LANCL3: variants seen among roughly 807,000 people sequenced by gnomAD.
LANCL3 encodes the protein LanC like family member 3, also known as lanC-like protein 3.
In LANCL3, 19 loss-of-function variants were observed where a neutral mutation model predicts 26.5. That is an observed-to-expected ratio of 0.72 (90% confidence interval 0.50 to 1.05). The LOEUF (loss-of-function observed/expected upper bound fraction) is 1.05, where lower values mean the gene tolerates loss of function less well. LANCL3 is among the 50% of genes least tolerant of loss of function. The pLI is 0.00. For missense variants in LANCL3, 318 were observed against 362.7 expected (o/e 0.88, Z 1.00); for synonymous variants, 160 against 166.6 (o/e 0.96, Z 0.30).
At chrX:37,574,389 C>T (rs1170713574) in intron 1 of LANCL3, among the ~76,000 whole-genome samples, 2 of 111,496 alleles carry the variant, frequency 1.8e-5, no homozygotes, top group East Asian at 2.8e-4. Context: ...TCTTCCCCTC[C>T]GATGTCATTT....
At chrX:37,665,288 T>C (rs1015296303) in intron 3 of LANCL3, among the ~76,000 whole-genome samples, 38 of 112,260 alleles carry the variant, frequency 3.4e-4, no homozygotes, top group African/African-American at 1.2e-3. Flanking sequence ...TCTTCCCCAC[T>C]GGTCTGTTGG....
intron 1 of LANCL3, among the ~76,000 whole-genome samples, chrX:37,633,760 A>G (rs1461511886): frequency 1.8e-5 from 2 of 111,628 alleles, no homozygotes; most frequent in Non-Finnish European, 3.8e-5. Flanking sequence ...CGTGAACCGC[A>G]AATGCTGCTG....
rs1265752127 is a variant in LANCL3, at chrX:37,682,816, C to T, written c.*7003C>T. 3 of 111,916 alleles carry T rather than the reference C, an allele frequency of 2.7e-5. No individual in the cohort carries two copies. The highest frequency in any genetic ancestry group is 9.7e-5 in the African/African-American group (3 of 30,790). The allele number at this position is 111,916 out of a possible 1,213,427, so 9.2% of individuals were successfully genotyped here. On this transcript the variant is annotated 3_prime_UTR_variant, in exon 5 of 5. Coordinates refer to ENST00000378619, the MANE Select transcript of LANCL3 (RefSeq NM_001170331.2). Reference sequence around the variant, plus strand: ...CATGAGTTGCACATAGACTCTCTAGCAGTAGAAATGGAATATTCTAAGTGC... The same window carrying T: ...CATGAGTTGCACATAGACTCTCTAGTAGTAGAAATGGAATATTCTAAGTGC...
At chrX:37,587,868 C>T (rs1556418307) in intron 1 of LANCL3, among the ~76,000 whole-genome samples, 2 of 112,249 alleles carry the variant, frequency 1.8e-5, no homozygotes, top group Non-Finnish European at 3.8e-5. Flanking sequence ...ATGCAGAAAT[C>T]ACCCATCTTC....
Position 37,676,079 on chromosome X carries a change from G to T in LANCL3, c.*266G>T, listed in dbSNP as rs1425005539. The T allele has an allele frequency of 4.7e-6, 1 of 214,491 alleles. No homozygotes were observed. Among genetic ancestry groups the T allele is most frequent in the Non-Finnish European group, 8.5e-6 (1 of 118,338 alleles). 17.7% of individuals were successfully genotyped at this position (214,491 alleles called of 1,213,427 possible). ...AGGGATCATAGGAAAAGGGGAAAGA[G>T]AAATGATCTGTTTTTCAGTTATGAC... On this transcript the variant is annotated 3_prime_UTR_variant, in exon 5 of 5. Transcript: ENST00000378619.
At chrX:37,650,127 C>T (rs1556428313) in intron 1 of LANCL3, among the ~76,000 whole-genome samples, 1 of 108,427 alleles carries the variant, frequency 9.2e-6, no homozygotes, top group East Asian at 2.9e-4. Context: ...CATGGTGAAA[C>T]CCCGTCTCTG....
intron 1 of LANCL3, among the ~76,000 whole-genome samples, chrX:37,626,789 A>G (rs1269491562): frequency 1.8e-5 from 2 of 112,209 alleles, no homozygotes; most frequent in African/African-American, 6.5e-5. Context: ...TCACAGAGCT[A>G]TAATACTGAC....
At chrX:37,632,883 A>G (rs1789815389) in intron 1 of LANCL3, among the ~76,000 whole-genome samples, 1 of 111,483 alleles carries the variant, frequency 9.0e-6, no homozygotes, top group Non-Finnish European at 1.9e-5. Context: ...GGCTGCCCTT[A>G]ACATTTTTTC....
At chrX:37,580,897 A>G (rs1373260432) in intron 1 of LANCL3, among the ~76,000 whole-genome samples, 8 of 112,468 alleles carry the variant, frequency 7.1e-5, no homozygotes, top group African/African-American at 2.6e-4. Context: ...CTTGTTCCAG[A>G]TCACACAGCT....
chrX:37,635,526 G>A (rs781803772), intron 1 of LANCL3, among the ~76,000 whole-genome samples: 23 of 111,167 alleles, frequency 2.1e-4, no homozygotes, highest in Non-Finnish European at 3.6e-4. Flanking sequence ...GGTAAGCATA[G>A]TCTTTTTGTA....
At chrX:37,634,460 C>A (rs112695708) in intron 1 of LANCL3, among the ~76,000 whole-genome samples, 1 of 112,803 alleles carries the variant, frequency 8.9e-6, no homozygotes, top group Non-Finnish European at 1.9e-5. Context: ...GTCCTGCGCC[C>A]ACTGTCTGGC....
At chrX:37,587,713 GA>G (rs1924144504) in intron 1 of LANCL3, among the ~76,000 whole-genome samples, 1 of 112,591 alleles carries the variant, frequency 8.9e-6, no homozygotes, top group Non-Finnish European at 1.9e-5. Flanking sequence ...GCTTGGCTAG[GA>G]AAGGGAATTC....
In LANCL3 at chrX:37,572,024, C is replaced by G. The variant is rs1556415558; in HGVS notation, c.154C>G (p.Arg52Gly). 5.9e-6 allele frequency: 7 copies of G among 1,183,546 alleles called. No homozygotes were observed. Among genetic ancestry groups the G allele is most frequent in the Non-Finnish European group, 7.9e-6 (7 of 882,141 alleles). The change falls in exon 1 of 5, where the codon CGA becomes GGA. Residue 52 changes from arginine to glycine, a missense_variant. Physicochemically the swap from Arg to Gly is moderately radical, Grantham distance 125. Coordinates refer to ENST00000378619, the MANE Select transcript of LANCL3 (RefSeq NM_001170331.2). ...CCCACTCGGGGGCGGCGCGGAGGCC[C>G]GAGGGGCGACGGCGGGGGCTAGCGC... ...LPPLGGGAEARGATAGASACQ... is the reference protein window; with the variant it reads ...LPPLGGGAEAGGATAGASACQ...
chrX:37,586,417 A>G (rs1181081280), intron 1 of LANCL3, among the ~76,000 whole-genome samples: 15 of 112,006 alleles, frequency 1.3e-4, no homozygotes, highest in African/African-American at 4.9e-4. Context: ...CATTCTCCCC[A>G]TCACTTTCAG....
chrX:37,671,836 C>G (rs5963222), intron 4 of LANCL3, among the ~76,000 whole-genome samples: 35,884 of 111,331 alleles, frequency 0.32, 6,224 homozygotes, highest in African/African-American at 0.69. Flanking sequence ...AGGGCAAATA[C>G]TAACTTATGT....
At chrX:37,631,532 T>A (rs1179840871) in intron 1 of LANCL3, among the ~76,000 whole-genome samples, 9 of 111,444 alleles carry the variant, frequency 8.1e-5, no homozygotes, top group Admixed American at 5.7e-4. Flanking sequence ...TAGTTCTTTT[T>A]ATTGTGATGT....
intron 1 of LANCL3, among the ~76,000 whole-genome samples, chrX:37,577,854 A>G (rs1291581912): frequency 1.8e-5 from 2 of 112,307 alleles, no homozygotes; most frequent in Non-Finnish European, 3.8e-5. Flanking sequence ...TCTTTGGCTC[A>G]TTTCTAAGGC....
At chrX:37,660,794 G>C (rs1926399987) in intron 3 of LANCL3, among the ~76,000 whole-genome samples, 1 of 111,025 alleles carries the variant, frequency 9.0e-6, no homozygotes, top group East Asian at 2.8e-4. Flanking sequence ...TTGAGTTGAT[G>C]AATAATAATC....
At chrX:37,605,085 C>T (rs781975041) in intron 1 of LANCL3, among the ~76,000 whole-genome samples, 14 of 111,627 alleles carry the variant, frequency 1.3e-4, no homozygotes, top group Admixed American at 6.6e-4. Flanking sequence ...TCCCCTTTGT[C>T]GCCATCATCT....
Sources: gnomAD v4.1 joint callset for allele counts (sites outside exome capture counted in the v4.1 genomes callset) on GRCh38, gnomAD v4.1.1 for gene constraint, MANE v1.5 for transcripts, NCBI Gene and HGNC (gene_info 2026-07-23, HGNC 2026-07-21) for gene names.